DCLK2: variants seen among roughly 807,000 people sequenced by gnomAD.
DCLK2 encodes serine/threonine-protein kinase DCLK2.
A neutral mutation model predicts 78.4 loss-of-function variants in DCLK2; 31 were observed. The observed-to-expected ratio is 0.40, with a 90% CI of 0.30 to 0.53. DCLK2 has a LOEUF of 0.53. Ranked by LOEUF, DCLK2 falls within the 20% of genes least tolerant of loss-of-function variation. The pLI is 0.61. For missense variants in DCLK2, 872 were observed against 973.7 expected (o/e 0.90, Z 1.39); for synonymous variants, 407 against 374.9 (o/e 1.09, Z -0.99).
intron 10 of DCLK2, among the ~76,000 whole-genome samples, chr4:150,234,500 G>A (rs955971341): frequency 2.6e-5 from 4 of 152,198 alleles, no homozygotes; most frequent in Non-Finnish European, 5.9e-5. Context: ...AGCCTGCTGT[G>A]AGCACCACAC....
chr4:150,172,498 T>G (rs1736609215), intron 2 of DCLK2, among the ~76,000 whole-genome samples: 1 of 149,676 alleles, frequency 6.7e-6, no homozygotes, highest in African/African-American at 2.5e-5. Flanking sequence ...TCTTAGCTAC[T>G]CAGGAGGCTG....
rs1454035697 is a variant in DCLK2, at chr4:150,175,011, A to AAAAAAAAATAT, written c.757-18126_757-18125insAAAAAAATATA. The stretch of plus-strand genomic sequence containing the variant: ...AGACTCCGTCGCAAAAAAAAAAAAA[A>AAAAAAAAATAT]ATATATATATATATATATATATTTA... On this transcript the variant is annotated intron_variant, in intron 2 of 15. Transcript: ENST00000296550. 4.4e-3 allele frequency among the ~76,000 whole-genome samples: 44 copies of AAAAAAAAATAT among 9,974 alleles called. 11 individuals are homozygous for AAAAAAAAATAT. The highest frequency in any genetic ancestry group is 9.8e-3 in the African/African-American group (37 of 3,794). The allele number at this position is 9,974 out of a possible 152,430, so 6.5% of individuals were successfully genotyped here. A position where few individuals can be genotyped will look rare whatever the true frequency, so the allele number is the denominator to read the frequency against.
chr4:150,160,298 G>A (rs75472528), intron 2 of DCLK2, among the ~76,000 whole-genome samples: 2,117 of 152,248 alleles, frequency 0.014, 52 homozygotes, highest in African/African-American at 0.049. Context: ...GACTGCAAGT[G>A]TGAGCCACCA....
At chr4:150,205,777 C>A (rs905175230) in intron 5 of DCLK2, among the ~76,000 whole-genome samples, 1 of 152,222 alleles carries the variant, frequency 6.6e-6, no homozygotes, top group African/African-American at 2.4e-5. Flanking sequence ...AATTTGTTAA[C>A]GCAAAAGCGA....
intron 2 of DCLK2, among the ~76,000 whole-genome samples, chr4:150,108,191 G>A (rs1023407973): frequency 4.6e-5 from 7 of 152,062 alleles, no homozygotes; most frequent in African/African-American, 1.7e-4. Flanking sequence ...TTGATTAAAT[G>A]CTTCACTTAA....
In DCLK2 at chr4:150,138,729, C is replaced by T. The variant is rs199811723; in HGVS notation, c.756+35917C>T. Among the ~76,000 whole-genome samples the T allele has an allele frequency of 1.9e-4, 29 of 152,156 alleles. 1 individual carries two copies. The highest frequency in any genetic ancestry group is 6.2e-4 in the South Asian group (3 of 4,818). On this transcript the variant is annotated intron_variant, in intron 2 of 15. Coordinates refer to ENST00000296550, the MANE Select transcript of DCLK2 (RefSeq NM_001040260.4). ...TCACCCAGGGTGGAGTGCAGTGGCA[C>T]GATCTCAGCTCACTGCAACCTCTGC...
rs76061543 is a variant in DCLK2, at chr4:150,113,250, G to A, written c.756+10438G>A. 3.2e-4 allele frequency among the ~76,000 whole-genome samples: 49 copies of A among 152,250 alleles called. No individual in the cohort carries two copies. In the East Asian group the frequency reaches 9.3e-3, roughly 29 times the overall value. On this transcript the variant is annotated intron_variant, in intron 2 of 15. Coordinates refer to ENST00000296550, the MANE Select transcript of DCLK2 (RefSeq NM_001040260.4). The stretch of plus-strand genomic sequence containing the variant: ...CTAGTTTGGGTATCAGGCTAGTACT[G>A]GGTTAATGGAATGAGTTAGGGTGGA...
chr4:150,174,372 G>A (rs1346646730), intron 2 of DCLK2, among the ~76,000 whole-genome samples: 1 of 152,088 alleles, frequency 6.6e-6, no homozygotes, highest in Admixed American at 6.5e-5. Context: ...AGAGTATAGA[G>A]GCAGTGCTTC....
At chr4:150,231,989 T>C (rs931445125) in intron 8 of DCLK2, among the ~76,000 whole-genome samples, 8 of 152,218 alleles carry the variant, frequency 5.3e-5, no homozygotes, top group African/African-American at 1.9e-4. Context: ...CTGGCTGAAT[T>C]ACAAAGCACA....
chr4:150,088,408 G>A (rs4593109), intron 1 of DCLK2, among the ~76,000 whole-genome samples: 2 of 150,018 alleles, frequency 1.3e-5, no homozygotes, highest in South Asian at 2.1e-4. Context: ...TTTTTTTTTC[G>A]TATATATATC....
At chr4:150,103,686 A>G (rs992005447) in intron 2 of DCLK2, among the ~76,000 whole-genome samples, 1 of 152,200 alleles carries the variant, frequency 6.6e-6, no homozygotes, top group African/African-American at 2.4e-5. Context: ...AGAATGAATA[A>G]TATAAAACAT....
chr4:150,084,969 G>A (rs1729542255), intron 1 of DCLK2, among the ~76,000 whole-genome samples: 1 of 152,134 alleles, frequency 6.6e-6, no homozygotes, highest in Non-Finnish European at 1.5e-5. Flanking sequence ...TTTACTAGAT[G>A]TTTTATGAGC....
intron 2 of DCLK2, among the ~76,000 whole-genome samples, chr4:150,126,865 T>C (rs1208183088): frequency 6.6e-6 from 1 of 152,224 alleles, no homozygotes; most frequent in Admixed American, 6.5e-5. Flanking sequence ...GGATCCCACA[T>C]GGATTTACTT....
intron 1 of DCLK2, among the ~76,000 whole-genome samples, chr4:150,095,574 T>C (rs956539107): frequency 6.6e-6 from 1 of 152,244 alleles, no homozygotes; most frequent in African/African-American, 2.4e-5. Context: ...GCAATGCTCC[T>C]ATGAACATGT....
chr4:150,124,414 T>G (rs546883547), intron 2 of DCLK2, among the ~76,000 whole-genome samples: 1 of 152,280 alleles, frequency 6.6e-6, no homozygotes, highest in African/African-American at 2.4e-5. Flanking sequence ...TTTGAAAATA[T>G]TGTTCTTTTA....
Position 150,247,625 on chromosome 4 carries a change from C to T in DCLK2, c.1801C>T (p.Leu601Phe). The change falls in exon 13 of 16, where the codon CTC becomes TTC. Residue 601 changes from leucine to phenylalanine, a missense_variant. By Grantham distance (22) the Leu-to-Phe change is conservative (BLOSUM62 0). This residue lies in a region of DCLK2 where 219 missense variants were observed against 230.1 expected (regional missense o/e 0.95). Transcript: ENST00000296550. ...FRSENNLQEDLFDQILAGKLE... is the reference protein window; with the variant it reads ...FRSENNLQEDFFDQILAGKLE... ...TAGTGAGAACAATCTCCAGGAAGAT[C>T]TCTTCGACCAGATCTTGGCTGGGAA... is the stretch of plus-strand genomic sequence containing the variant. 6.2e-7 allele frequency: 1 copy of T among 1,614,048 alleles called. No individual in the cohort carries two copies.
chr4:150,252,569 C>T (rs905858824), intron 15 of DCLK2, among the ~76,000 whole-genome samples: 2 of 152,198 alleles, frequency 1.3e-5, no homozygotes, highest in Non-Finnish European at 2.9e-5. Context: ...GTTCTACAGG[C>T]TCTGTCCTAG....
At chr4:150,148,661 T>G (rs2150225233) in intron 2 of DCLK2, among the ~76,000 whole-genome samples, 1 of 152,198 alleles carries the variant, frequency 6.6e-6, no homozygotes, top group East Asian at 1.9e-4. Context: ...GTGTGATCAG[T>G]GAAGAAGGTT....
chr4:150,158,681 A>AT (rs1305420881), intron 2 of DCLK2, among the ~76,000 whole-genome samples: 2 of 152,224 alleles, frequency 1.3e-5, no homozygotes, highest in Admixed American at 6.5e-5. Flanking sequence ...TGAGATGTTC[A>AT]TTAACTGTTT....
Sources: allele counts gnomAD v4.1 joint callset (sites outside exome capture counted in the v4.1 genomes callset), GRCh38; gene constraint gnomAD v4.1.1; regional missense constraint gnomAD v4.1.1; transcripts MANE v1.5; gene names NCBI Gene and HGNC (gene_info 2026-07-23, HGNC 2026-07-21).